The following TNFRSF19 variants were observed in gnomAD, a reference collection of about 807,000 sequenced individuals.
The protein encoded by TNFRSF19 is TNF receptor superfamily member 19.
In TNFRSF19, 27 loss-of-function variants were observed where a neutral mutation model predicts 46.4. The ratio of observed to expected loss-of-function variants is 0.58; its 90% CI spans 0.43 to 0.80. TNFRSF19 has a LOEUF of 0.80. Ranked by LOEUF, TNFRSF19 falls within the 30% of genes least tolerant of loss-of-function variation. The pLI is 0.00. For synonymous variants in TNFRSF19, 204 were observed against 205.0 expected, an observed-to-expected ratio of 1.00 and a Z score of 0.04; for missense variants, 511 against 530.8, an observed-to-expected ratio of 0.96 and a Z score of 0.37.
At position 23,593,330 on chromosome 13, in the gene TNFRSF19, A is replaced by C; in HGVS notation, c.70-15A>C. The stretch of plus-strand genomic sequence containing the variant: ...CATACTTTAAGATAACATTTTGTTA[A>C]ATTTTTTTTTTCAGTCATGTAAAGT... On this transcript the variant is annotated splice_polypyrimidine_tract_variant and intron_variant, in intron 2 of 9. Transcript: ENST00000248484. 6.6e-7 allele frequency: 1 copy of C among 1,509,246 alleles called. No individual in the cohort carries two copies. Among genetic ancestry groups the C allele is most frequent in the Non-Finnish European group, 8.9e-7 (1 of 1,119,144 alleles). 93.5% of individuals were successfully genotyped at this position (1,509,246 alleles called of 1,614,324 possible).
chr13:23,660,317 C>G, intron 6 of TNFRSF19, 48 bp from the exon 7 acceptor site: 2 of 1,581,276 alleles, frequency 1.3e-6, no homozygotes, highest in Non-Finnish European at 1.7e-6. Context: ...CACAGGTCCA[C>G]TAGAGAGGAG....
At chr13:23,590,344 A>G in intron 2 of TNFRSF19, 92 bp downstream of exon 2, 2 of 785,666 alleles carry the variant, frequency 2.5e-6, no homozygotes, top group East Asian at 6.3e-5. Flanking sequence ...TTTATTTTTT[A>G]TTTTTTTTGA....
chr13:23,593,563 A>G, intron 3 of TNFRSF19, 108 bp downstream of exon 3: 4 of 770,116 alleles, frequency 5.2e-6, no homozygotes, highest in African/African-American at 1.8e-5. Context: ...CCATGACAGA[A>G]TTATTGGATC....
chr13:23,606,739 T>C (rs1880539003), intron 3 of TNFRSF19, among the ~76,000 whole-genome samples: 1 of 152,238 alleles, frequency 6.6e-6, no homozygotes, highest in Non-Finnish European at 1.5e-5. Context: ...ACTTTGCTCA[T>C]GCTCTAACAT....
At chr13:23,575,099 C>T (rs910432502) in intron 1 of TNFRSF19, among the ~76,000 whole-genome samples, 2 of 152,232 alleles carry the variant, frequency 1.3e-5, no homozygotes, top group African/African-American at 4.8e-5. Flanking sequence ...GCACCATGGG[C>T]TGCTGCCCAG....
chr13:23,618,573 A>G (rs918829020), intron 4 of TNFRSF19, among the ~76,000 whole-genome samples: 1 of 152,208 alleles, frequency 6.6e-6, no homozygotes, highest in Non-Finnish European at 1.5e-5. Context: ...GGGAACGGCA[A>G]AGGGTACAGC....
chr13:23,651,766 T>C (rs1883648393), intron 5 of TNFRSF19, among the ~76,000 whole-genome samples: 1 of 151,900 alleles, frequency 6.6e-6, no homozygotes, highest in African/African-American at 2.4e-5. Flanking sequence ...CAAGCTATAT[T>C]GTATGTGTTA....
At chr13:23,583,191 C>T (rs2138155678) in intron 1 of TNFRSF19, among the ~76,000 whole-genome samples, 1 of 152,264 alleles carries the variant, frequency 6.6e-6, no homozygotes, top group Admixed American at 6.5e-5. Context: ...AGTTCGAATT[C>T]TCCAAATCTT....
At chr13:23,598,305 A>G (rs961838028) in intron 3 of TNFRSF19, among the ~76,000 whole-genome samples, 1 of 152,184 alleles carries the variant, frequency 6.6e-6, no homozygotes, top group African/African-American at 2.4e-5. Flanking sequence ...TGATGGGTGC[A>G]GCAAACCACC....
intron 3 of TNFRSF19, among the ~76,000 whole-genome samples, chr13:23,611,816 C>CAGT (rs1880926338): frequency 6.6e-6 from 1 of 152,162 alleles, no homozygotes; most frequent in African/African-American, 2.4e-5. Context: ...TAAATGGATA[C>CAGT]CCTCTCTGTG....
Position 23,668,667 on chromosome 13 carries a change from TAAGTTCTTTTGAAC to T in TNFRSF19, c.840-24_840-11del. ...GTGTTTTTCTCCCCATCAAAAACTTTAAGTTCTTTTGAACGTGTGTGCAGAAACGCAGGCCCAGC... is the reference window on the plus strand; with the variant it reads ...GTGTTTTTCTCCCCATCAAAAACTTTGTGTGTGCAGAAACGCAGGCCCAGC... On this transcript the variant is annotated splice_polypyrimidine_tract_variant and intron_variant, in intron 8 of 9. Transcript: ENST00000248484. 6.3e-7 allele frequency: 1 copy of T among 1,588,080 alleles called. No individual in the cohort carries two copies. The highest frequency in any genetic ancestry group is 1.8e-5 in the Admixed American group (1 of 55,798).
At chr13:23,608,667 GT>G (rs547374060) in intron 3 of TNFRSF19, among the ~76,000 whole-genome samples, 2 of 152,214 alleles carry the variant, frequency 1.3e-5, no homozygotes, top group Non-Finnish European at 2.9e-5. Flanking sequence ...AGCCACTGCG[GT>G]TACTGAACAC....
Position 23,669,008 on chromosome 13 carries a change from G to C in TNFRSF19, c.1156G>C (p.Ala386Pro). 6.2e-7 allele frequency: 1 copy of C among 1,614,224 alleles called. No individual in the cohort carries two copies. The highest frequency in any genetic ancestry group is 8.5e-7 in the Non-Finnish European group (1 of 1,180,044). Residue 386 changes from alanine (A) to proline (P), a missense_variant, in exon 9 of 10, where the codon GCA becomes CCA. Physicochemically the swap from Ala to Pro is conservative, Grantham distance 27 (BLOSUM62 -1). Transcript: ENST00000248484. ...ATATAACAACACACTGGTAGAATCA[G>C]CATCAACTCAGGATGCACTAACTAT... ...SRYNNTLVES[A>P]STQDALTMRS...
intron 5 of TNFRSF19, among the ~76,000 whole-genome samples, chr13:23,629,254 G>C (rs140047830): frequency 6.6e-6 from 1 of 152,306 alleles, no homozygotes; most frequent in African/African-American, 2.4e-5. Flanking sequence ...TAGTGGGAGA[G>C]GCAAGAACTC....
intron 3 of TNFRSF19, among the ~76,000 whole-genome samples, chr13:23,604,821 C>T (rs1444976232): frequency 6.6e-6 from 1 of 152,092 alleles, no homozygotes; most frequent in East Asian, 1.9e-4. Context: ...TCTAGACACA[C>T]CTAACTCAAA....
intron 5 of TNFRSF19, among the ~76,000 whole-genome samples, chr13:23,638,440 C>T (rs1169681331): frequency 6.6e-6 from 1 of 152,126 alleles, no homozygotes; most frequent in African/African-American, 2.4e-5. Flanking sequence ...GCGCTGAGGC[C>T]TGGGGTGCAC....
Position 23,668,080 on chromosome 13 carries a change from AAGGTAACT to A in TNFRSF19, c.839+3_839+10del. The A allele has an allele frequency of 6.2e-7, 1 of 1,602,516 alleles. No individual in the cohort carries two copies. ...TGCATTCTGCAGCCAGTCTTCAGGC[AAGGTAACT>A]AGGTGCTTTCAATCAATCATTTCAT... On this transcript the variant is annotated splice_donor_variant and splice_donor_5th_base_variant and coding_sequence_variant and intron_variant, in exon 8 of 10. Coordinates refer to ENST00000248484, the MANE Select transcript of TNFRSF19 (RefSeq NM_148957.4). LOFTEE classifies it high-confidence loss of function.
chr13:23,662,663 T>G (rs1429241290), intron 7 of TNFRSF19, among the ~76,000 whole-genome samples: 8 of 152,236 alleles, frequency 5.3e-5, no homozygotes, highest in Non-Finnish European at 1.5e-5. Context: ...TCCATGAGCA[T>G]GTGATGTTTT....
chr13:23,633,654 GC>G (rs1882491632), intron 5 of TNFRSF19, among the ~76,000 whole-genome samples: 1 of 152,120 alleles, frequency 6.6e-6, no homozygotes, highest in Non-Finnish European at 1.5e-5. Context: ...TTTGAGACCA[GC>G]CTGGCCGACA....
Sources: allele counts gnomAD v4.1 joint callset (sites outside exome capture counted in the v4.1 genomes callset), GRCh38; gene constraint gnomAD v4.1.1; transcripts MANE v1.5; gene names NCBI Gene and HGNC (gene_info 2026-07-23, HGNC 2026-07-21).